Variants in FGL1 observed in about 807,000 individuals in gnomAD.
FGL1 encodes fibrinogen like 1.
A neutral mutation model predicts 43.7 loss-of-function variants in FGL1; 59 were observed. The observed-to-expected ratio is 1.35, with a 90% confidence interval of 1.10 to 1.68. The LOEUF (loss-of-function observed/expected upper bound fraction) is 1.68. Among genes scored for constraint, FGL1 ranks in the 40% most tolerant of loss-of-function variants. The pLI, the probability that FGL1 is intolerant of heterozygous loss-of-function variation, is 0.00. For synonymous variants in FGL1, 192 were observed against 126.5 expected (o/e 1.52, Z -3.48); for missense variants, 596 against 373.0 (o/e 1.60, Z -4.92).
At position 17,873,954 on chromosome 8, in the gene FGL1, TAA is replaced by T. The variant is rs34353097; in HGVS notation, c.502+63_502+64del. ...TTAGTTCCATTGCCTATAATTTGGT[TAA>T]AAAAAAATTTTAGTGTTGTTTTTAT... On this transcript the variant is annotated intron_variant, in intron 5 of 7. Transcript: ENST00000427924. 7.8e-5 allele frequency: 98 copies of T among 1,254,088 alleles called. No homozygotes were observed. The African/African-American group carries it at 1.4e-3, about 18-fold the overall frequency. 77.7% of individuals were successfully genotyped at this position (1,254,088 alleles called of 1,614,324 possible).
intron 3 of FGL1, among the ~76,000 whole-genome samples, chr8:17,874,973 A>T (rs2053423114): frequency 6.6e-6 from 1 of 152,042 alleles, no homozygotes; most frequent in Non-Finnish European, 1.5e-5. Context: ...TAAAAAAAAC[A>T]AGTTATGAGT....
At chr8:17,875,548 T>C (rs1339678116) in intron 3 of FGL1, among the ~76,000 whole-genome samples, 188 of 12,650 alleles carry the variant, frequency 0.015, 11 homozygotes, top group African/African-American at 0.032. Flanking sequence ...TTTCTTTCTT[T>C]CTTTCTTTCT....
chr8:17,885,426 A>G, intron 2 of FGL1, 66 bp downstream of exon 2: 2 of 1,404,144 alleles, frequency 1.4e-6, no homozygotes, highest in Non-Finnish European at 2.0e-6. Flanking sequence ...TTTAATGCAA[A>G]ATGAAAGAAA....
Position 17,885,629 on chromosome 8 carries a change from G to A in FGL1, c.-17-58C>T, listed in dbSNP as rs77473833. ...CAACCTTGAATTTTTCATGAGACCAGAGTTCAGACTTCAGTAGCTCCAGGA... is the reference window on the plus strand; with the variant it reads ...CAACCTTGAATTTTTCATGAGACCAAAGTTCAGACTTCAGTAGCTCCAGGA... On this transcript the variant is annotated intron_variant, in intron 1 of 7. Transcript: ENST00000427924. 22 of 1,444,844 alleles carry A rather than the reference G, an allele frequency of 1.5e-5. No individual in the cohort carries two copies. In the African/African-American group the frequency reaches 2.8e-4, roughly 19 times the overall value. The allele number at this position is 1,444,844 out of a possible 1,614,324, so 89.5% of individuals were successfully genotyped here.
chr8:17,888,297 G>C (rs994012288), intron 1 of FGL1, among the ~76,000 whole-genome samples: 2 of 152,086 alleles, frequency 1.3e-5, no homozygotes, highest in Non-Finnish European at 2.9e-5. Flanking sequence ...AGATGATTAG[G>C]TTTGCTATCA....
At chr8:17,868,517 C>T in intron 7 of FGL1, 31 bp downstream of exon 7, 1 of 1,560,418 alleles carries the variant, frequency 6.4e-7, no homozygotes. Flanking sequence ...ATCATCAACT[C>T]CATTACAACT....
At chr8:17,870,074 C>T (rs2053334827) in intron 5 of FGL1, among the ~76,000 whole-genome samples, 1 of 152,040 alleles carries the variant, frequency 6.6e-6, no homozygotes, top group Non-Finnish European at 1.5e-5. Context: ...TGCTCCACTG[C>T]ACTCCAGCCT....
chr8:17,872,081 T>A (rs959162890), intron 5 of FGL1, among the ~76,000 whole-genome samples: 2 of 151,968 alleles, frequency 1.3e-5, no homozygotes, highest in Non-Finnish European at 2.9e-5. Context: ...ATAGATATGT[T>A]GAAGGAAAGG....
chr8:17,865,568 T>C (rs1166618452), intron 7 of FGL1, among the ~76,000 whole-genome samples: 1 of 152,184 alleles, frequency 6.6e-6, no homozygotes, highest in African/African-American at 2.4e-5. Flanking sequence ...TTTACATATA[T>C]TGCACCAATC....
rs2053240491 is a variant in FGL1, at chr8:17,864,586, C to T, written c.*6G>A. 6.2e-7 allele frequency: 1 copy of T among 1,601,032 alleles called. No homozygotes were observed. Among genetic ancestry groups the T allele is most frequent in the Admixed American group, 1.8e-5 (1 of 56,682 alleles). On this transcript the variant is annotated 3_prime_UTR_variant, in exon 8 of 8. Coordinates refer to ENST00000427924, the MANE Select transcript of FGL1 (RefSeq NM_004467.4). ...AATTGCAGAAACGAAAGCCCAACAG[C>T]AGCAATTAAATTACATTTGGAATAA...
rs139131216 is a variant in FGL1 at position 17,865,078 on chromosome 8, G to A, written c.780-327C>T. Among the ~76,000 whole-genome samples the A allele has an allele frequency of 3.9e-5, 6 of 152,032 alleles. No homozygotes were observed. The East Asian group carries it at 9.7e-4, about 24-fold the overall frequency. On this transcript the variant is annotated intron_variant, in intron 7 of 7. Transcript: ENST00000427924. ...TGGGATAACAGGTGTGAGCCACTGCGCCTGGCCTCAGAGATGGGTATTTTA... is the reference window on the plus strand; with the variant it reads ...TGGGATAACAGGTGTGAGCCACTGCACCTGGCCTCAGAGATGGGTATTTTA...
chr8:17,878,195 T>C (rs1451546865), intron 3 of FGL1, among the ~76,000 whole-genome samples: 1 of 152,122 alleles, frequency 6.6e-6, no homozygotes, highest in Non-Finnish European at 1.5e-5. Flanking sequence ...CAAGTGTTCC[T>C]CCCACCTCGG....
At chr8:17,884,220 C>T (rs1280700741) in intron 2 of FGL1, among the ~76,000 whole-genome samples, 1 of 151,540 alleles carries the variant, frequency 6.6e-6, no homozygotes, top group African/African-American at 2.4e-5. Flanking sequence ...TCAACAGAGT[C>T]TTGCTCTGTT....
Position 17,881,200 on chromosome 8 carries a change from G to C in FGL1, c.244+799C>G, listed in dbSNP as rs1024797593. On this transcript the variant is annotated intron_variant, in intron 3 of 7. Transcript: ENST00000427924. ...TGCCCAGGCTGGAGTGCAGTGGCAC[G>C]ATCTTGGCTCACTGCAACCTGCGAC... is the stretch of plus-strand genomic sequence containing the variant. Among the ~76,000 whole-genome samples the C allele has an allele frequency of 3.3e-5, 5 of 150,086 alleles. No individual in the cohort carries two copies. The South Asian group carries it at 8.4e-4, about 25-fold the overall frequency.
chr8:17,887,318 G>T (rs960932519), intron 1 of FGL1, among the ~76,000 whole-genome samples: 9 of 152,184 alleles, frequency 5.9e-5, no homozygotes, highest in African/African-American at 2.2e-4. Context: ...AATCCCACCA[G>T]TTGGGAAGCC....
At chr8:17,884,475 G>A (rs945809655) in intron 2 of FGL1, among the ~76,000 whole-genome samples, 2 of 152,058 alleles carry the variant, frequency 1.3e-5, no homozygotes, top group Admixed American at 6.6e-5. Context: ...GATTACAGGC[G>A]TGAGCCACTG....
chr8:17,872,704 A>T (rs559747801), intron 5 of FGL1, among the ~76,000 whole-genome samples: 5 of 152,192 alleles, frequency 3.3e-5, no homozygotes, highest in Non-Finnish European at 5.9e-5. Context: ...GGGACTGATG[A>T]TAATCTCAGA....
At chr8:17,872,983 C>G (rs756761589) in intron 5 of FGL1, among the ~76,000 whole-genome samples, 1 of 152,080 alleles carries the variant, frequency 6.6e-6, no homozygotes, top group Non-Finnish European at 1.5e-5. Flanking sequence ...ATGTAGGATA[C>G]AGGTGGTAGG....
chr8:17,875,525 T>TCTC (rs2053435177), intron 3 of FGL1, among the ~76,000 whole-genome samples: 1 of 10,220 alleles, frequency 9.8e-5, no homozygotes, highest in African/African-American at 3.3e-4. Flanking sequence ...CTTTCTTTCT[T>TCTC]TCTTTCTTTC....
Sources: gnomAD v4.1 joint callset for allele counts (sites outside exome capture counted in the v4.1 genomes callset) on GRCh38, gnomAD v4.1.1 for gene constraint, MANE v1.5 for transcripts, NCBI Gene and HGNC (gene_info 2026-07-23, HGNC 2026-07-21) for gene names.